Variants in JARID2 observed in about 807,000 individuals in gnomAD.
JARID2 encodes jumonji and AT-rich interaction domain containing 2.
Under a neutral mutation model 125.6 loss-of-function variants are expected in JARID2, and 21 were observed. The observed-to-expected ratio is 0.17, with a 90% CI of 0.12 to 0.24. The LOEUF (loss-of-function observed/expected upper bound fraction) is 0.24. Among genes scored for constraint, JARID2 ranks in the 10% least tolerant of loss-of-function variants. The pLI, the probability that JARID2 is intolerant of heterozygous loss-of-function variation, is 1.00. For synonymous variants in JARID2, 736 were observed against 661.6 expected, an observed-to-expected ratio of 1.11 and a Z score of -1.73; for missense variants, 1,303 against 1,639.6, an observed-to-expected ratio of 0.79 and a Z score of 3.55.
At chr6:15,384,184 G>C (rs933755900) in intron 2 of JARID2, among the ~76,000 whole-genome samples, 1 of 151,560 alleles carries the variant, frequency 6.6e-6, no homozygotes, top group Non-Finnish European at 1.5e-5. Flanking sequence ...TTGCAGCCTC[G>C]ACTCTCAGGC....
At chr6:15,486,799 G>T (rs1769885163) in intron 5 of JARID2, among the ~76,000 whole-genome samples, 1 of 86,376 alleles carries the variant, frequency 1.2e-5, no homozygotes, top group Non-Finnish European at 2.2e-5. Context: ...TTAAATCTGA[G>T]AATAGACTTT....
At chr6:15,391,782 T>C (rs1765019715) in intron 2 of JARID2, among the ~76,000 whole-genome samples, 1 of 152,198 alleles carries the variant, frequency 6.6e-6, no homozygotes, top group African/African-American at 2.4e-5. Flanking sequence ...GGCATCCTCC[T>C]TATGTAAAAC....
chr6:15,381,061 A>C (rs2127527129), intron 2 of JARID2, among the ~76,000 whole-genome samples: 1 of 152,042 alleles, frequency 6.6e-6, no homozygotes, highest in East Asian at 1.9e-4. Context: ...TTCTGAAGAC[A>C]GTGGCTTATG....
intron 1 of JARID2, among the ~76,000 whole-genome samples, chr6:15,256,889 T>C (rs1386014689): frequency 1.3e-5 from 2 of 152,228 alleles, no homozygotes; most frequent in Non-Finnish European, 2.9e-5. Context: ...TCTAGGAATA[T>C]TTGAGTTCAA....
chr6:15,424,363 G>A (rs1766632256), intron 3 of JARID2, among the ~76,000 whole-genome samples: 2 of 152,120 alleles, frequency 1.3e-5, no homozygotes, highest in Admixed American at 1.3e-4. Flanking sequence ...TCCTCCAAAT[G>A]TTGTGGCTTA....
chr6:15,381,033 TTTA>T (rs1450864592), intron 2 of JARID2, among the ~76,000 whole-genome samples: 2 of 151,812 alleles, frequency 1.3e-5, no homozygotes, highest in Non-Finnish European at 2.9e-5. Context: ...TTTATTATTA[TTTA>T]TTATTATTAT....
At chr6:15,452,964 G>GA (rs1356613268) in intron 4 of JARID2, among the ~76,000 whole-genome samples, 1 of 152,144 alleles carries the variant, frequency 6.6e-6, no homozygotes, top group African/African-American at 2.4e-5. Flanking sequence ...ACATCTGTGG[G>GA]AAAACCTTGA....
At position 15,300,718 on chromosome 6, in the gene JARID2, TGTGTGAGAGAGAGAGAGA is replaced by T. The variant is rs1249770849; in HGVS notation, c.45+54136_45+54153del. ...GTGTGTGTGTGTGTGTGTGTGTGTG[TGTGTGAGAGAGAGAGAGA>T]GAGAGAGAGAGAGACAGAGAGGAGG... On this transcript the variant is annotated intron_variant, in intron 1 of 17. Coordinates refer to ENST00000341776, the MANE Select transcript of JARID2 (RefSeq NM_004973.4). 2.0e-3 allele frequency among the ~76,000 whole-genome samples: 286 copies of T among 140,598 alleles called. 1 individual carries two copies. The highest frequency in any genetic ancestry group is 7.0e-3 in the African/African-American group (257 of 36,618). 92.2% of individuals were successfully genotyped at this position (140,598 alleles called of 152,430 possible).
chr6:15,246,994 A>G (rs1759204875), intron 1 of JARID2, among the ~76,000 whole-genome samples: 2 of 152,170 alleles, frequency 1.3e-5, no homozygotes, highest in Non-Finnish European at 2.9e-5. Flanking sequence ...CGTGTAACGC[A>G]TGTGTGTTGG....
At chr6:15,371,941 G>A (rs1010115009) in intron 1 of JARID2, among the ~76,000 whole-genome samples, 3 of 152,222 alleles carry the variant, frequency 2.0e-5, no homozygotes, top group African/African-American at 7.2e-5. Context: ...GCTTCTGTGA[G>A]TGAAGGATGT....
chr6:15,442,604 A>G (rs540706665), intron 3 of JARID2, among the ~76,000 whole-genome samples: 7 of 152,320 alleles, frequency 4.6e-5, no homozygotes, highest in African/African-American at 1.7e-4. Context: ...CCTCATAACA[A>G]CGGGGTTATG....
At chr6:15,469,369 T>TCTCCCCC (rs1768946468) in intron 5 of JARID2, among the ~76,000 whole-genome samples, 1 of 7,284 alleles carries the variant, frequency 1.4e-4, no homozygotes, top group Non-Finnish European at 2.4e-4. Flanking sequence ...CTCCTCCCCT[T>TCTCCCCC]CTCCCCCTCT....
At chr6:15,457,617 T>TC (rs1277564741) in intron 4 of JARID2, among the ~76,000 whole-genome samples, 3 of 151,932 alleles carry the variant, frequency 2.0e-5, no homozygotes, top group Admixed American at 6.6e-5. Flanking sequence ...TTTTTTTTTT[T>TC]TTCCCTTCTC....
At chr6:15,423,656 G>T (rs145161843) in intron 3 of JARID2, among the ~76,000 whole-genome samples, 2 of 152,172 alleles carry the variant, frequency 1.3e-5, no homozygotes, top group African/African-American at 4.8e-5. Context: ...AAGTCTGAGA[G>T]GTACCTCTGT....
intron 17 of JARID2, among the ~76,000 whole-genome samples, chr6:15,518,892 C>T (rs561413882): frequency 3.9e-5 from 6 of 152,334 alleles, no homozygotes; most frequent in East Asian, 1.9e-4. Context: ...CCTGCTGACC[C>T]GGGACAGTCT....
chr6:15,520,116 T>TA lies in JARID2; in HGVS notation c.3611dup (p.Asn1204LysfsTer5). 1 of 1,613,842 alleles carries TA rather than the reference T, an allele frequency of 6.2e-7. No homozygotes were observed. Among genetic ancestry groups the TA allele is most frequent in the Non-Finnish European group, 8.5e-7 (1 of 1,179,914 alleles). On this transcript the variant is annotated frameshift_variant, in exon 18 of 18. Coordinates refer to ENST00000341776, the MANE Select transcript of JARID2 (RefSeq NM_004973.4). LOFTEE classifies it high-confidence loss of function. Reference sequence around the variant, plus strand: ...ATCAGATCTGCGGCAAAGTGTCTGGTAAAAACGGCAGCATTGAGAACTGTC... The same window carrying TA: ...ATCAGATCTGCGGCAAAGTGTCTGGTAAAAAACGGCAGCATTGAGAACTGTC...
intron 2 of JARID2, among the ~76,000 whole-genome samples, chr6:15,377,567 G>C (rs61466979): frequency 1.2e-3 from 176 of 152,244 alleles, no homozygotes; most frequent in African/African-American, 3.7e-3. Flanking sequence ...CCGGGTTCAA[G>C]CGATTATCCT....
chr6:15,521,071 TAAAAA>T lies in JARID2; in HGVS notation c.*836_*840del, dbSNP rs34405141. ...ACCCTTCAATAGCATCCTTAAGATTTAAAAAAAAAAAAAAAAAAAAGGAAAAAAAA... is the reference window on the plus strand; with the variant it reads ...ACCCTTCAATAGCATCCTTAAGATTTAAAAAAAAAAAAAAAGGAAAAAAAA... On this transcript the variant is annotated 3_prime_UTR_variant, in exon 18 of 18. Coordinates refer to ENST00000341776, the MANE Select transcript of JARID2 (RefSeq NM_004973.4). 65 of 115,944 alleles carry T rather than the reference TAAAAA, an allele frequency of 5.6e-4. 3 individuals carry two copies. Among genetic ancestry groups the T allele is most frequent in the Admixed American group, 9.4e-4 (10 of 10,608 alleles). The allele number at this position is 115,944 out of a possible 1,614,324, so 7.2% of individuals were successfully genotyped here.
chr6:15,515,381 G>T (rs1400697733), intron 16 of JARID2, among the ~76,000 whole-genome samples: 1 of 152,154 alleles, frequency 6.6e-6, no homozygotes, highest in Non-Finnish European at 1.5e-5. Flanking sequence ...TACACCTGGG[G>T]GTGAAGCTGG....
Sources: allele counts gnomAD v4.1 joint callset (sites outside exome capture counted in the v4.1 genomes callset), GRCh38; gene constraint gnomAD v4.1.1; transcripts MANE v1.5; gene names NCBI Gene and HGNC (gene_info 2026-07-23, HGNC 2026-07-21).